The following ACTN2 variants were observed in gnomAD, a reference collection of about 807,000 sequenced individuals.
ACTN2 encodes the protein alpha-actinin-2.
A neutral mutation model predicts 113.8 loss-of-function variants in ACTN2; 39 were observed. The observed-to-expected ratio is 0.34, with a 90% CI of 0.27 to 0.45. The LOEUF (loss-of-function observed/expected upper bound fraction) is 0.45. Among genes scored for constraint, ACTN2 ranks in the 20% least tolerant of loss-of-function variants. The probability of loss-of-function intolerance (pLI) is 1.00; values close to 1 mark genes in which losing one functional copy is unlikely to be tolerated. For synonymous variants in ACTN2, 429 were observed against 444.1 expected (o/e 0.97, Z 0.43); for missense variants, 992 against 1,177.9 (o/e 0.84, Z 2.31).
At chr1:236,752,708 C>T (rs891191400) in intron 15 of ACTN2, among the ~76,000 whole-genome samples, 3 of 151,974 alleles carry the variant, frequency 2.0e-5, no homozygotes, top group East Asian at 1.9e-4. Flanking sequence ...CCCGCCACCA[C>T]GCCTGGCTAA....
Position 236,747,669 on chromosome 1 carries a change from A to G in ACTN2, c.1409A>G (p.Glu470Gly). ...QIAAIAQELN[E>G]LDYHDAVNVN... The stretch of plus-strand genomic sequence containing the variant: ...TTATTTATTTTCACTTTTAATAGTG[A>G]ACTGGACTATCACGACGCTGTGAAT... The change falls in exon 13 of 21, where the codon GAA (glutamate) becomes GGA (glycine). Residue 470 changes from glutamate to glycine, a missense_variant and splice_region_variant. Transcript: ENST00000366578. 1.9e-6 allele frequency: 3 copies of G among 1,613,578 alleles called. No homozygotes were observed. The highest frequency in any genetic ancestry group is 2.5e-6 in the Non-Finnish European group (3 of 1,179,536).
intron 13 of ACTN2, 116 bp downstream of exon 13, chr1:236,747,891 G>A (rs1009102053): frequency 1.1e-5 from 9 of 812,922 alleles, no homozygotes; most frequent in Admixed American, 8.6e-5. Flanking sequence ...CTAGTGAAAG[G>A]AACCTCTAAA....
At chr1:236,749,510 G>T (rs1279537334) in intron 14 of ACTN2, among the ~76,000 whole-genome samples, 2 of 152,182 alleles carry the variant, frequency 1.3e-5, no homozygotes, top group East Asian at 1.9e-4. Context: ...AAAAAAGAAT[G>T]CTGAGGCTGG....
In ACTN2 at chr1:236,726,037, C is replaced by T. The variant is rs371410798; in HGVS notation, c.536+17C>T. The stretch of plus-strand genomic sequence containing the variant: ...CCATACTAGGTGAGCACCCAGGGCC[C>T]CTGGTCCTTGTATTCTCAGTGGAAT... On this transcript the variant is annotated intron_variant, in intron 5 of 20. Coordinates refer to ENST00000366578, the MANE Select transcript of ACTN2 (RefSeq NM_001103.4). The T allele has an allele frequency of 2.5e-6, 4 of 1,607,254 alleles. No homozygotes were observed. Among genetic ancestry groups the T allele is most frequent in the Non-Finnish European group, 2.6e-6 (3 of 1,173,818 alleles).
chr1:236,698,727 T>C (rs757326652), intron 1 of ACTN2, among the ~76,000 whole-genome samples: 7 of 152,234 alleles, frequency 4.6e-5, no homozygotes, highest in Admixed American at 2.6e-4. Flanking sequence ...TATGTGGATT[T>C]TTACCAGTGA....
intron 12 of ACTN2, among the ~76,000 whole-genome samples, chr1:236,745,891 C>T (rs1206679971): frequency 4.6e-5 from 7 of 152,074 alleles, no homozygotes; most frequent in Admixed American, 3.3e-4. Flanking sequence ...TGGCTGGGCA[C>T]AGTGGCTCAC....
chr1:236,724,748 G>A (rs1275605322), intron 4 of ACTN2, among the ~76,000 whole-genome samples: 4 of 152,232 alleles, frequency 2.6e-5, no homozygotes, highest in African/African-American at 4.8e-5. Context: ...CAGCTGGCAC[G>A]TCAGTTGCCT....
intron 20 of ACTN2, among the ~76,000 whole-genome samples, chr1:236,761,464 C>T (rs565231261): frequency 7.5e-4 from 106 of 141,350 alleles, no homozygotes; most frequent in African/African-American, 3.0e-3. Context: ...TGTGTATGTG[C>T]GCGCTACTGG....
chr1:236,738,550 TGGG>T (rs1658962782), intron 9 of ACTN2, among the ~76,000 whole-genome samples: 1 of 152,262 alleles, frequency 6.6e-6, no homozygotes, highest in Non-Finnish European at 1.5e-5. Context: ...CTTTTCTTAC[TGGG>T]TCCTTCATTT....
intron 6 of ACTN2, among the ~76,000 whole-genome samples, chr1:236,730,853 G>C (rs1658693137): frequency 6.6e-6 from 1 of 151,998 alleles, no homozygotes; most frequent in Non-Finnish European, 1.5e-5. Context: ...TTAAAATCAG[G>C]GTGCTGGTTC....
chr1:236,759,588 C>T lies in ACTN2; in HGVS notation c.2302-136C>T, dbSNP rs191980589. Reference sequence around the variant, plus strand: ...ATCCTTGTGCTGGCTCCATCCTTCTCGCAAGTCAGTGGTGACATTTACGAC... The same window carrying T: ...ATCCTTGTGCTGGCTCCATCCTTCTTGCAAGTCAGTGGTGACATTTACGAC... On this transcript the variant is annotated intron_variant, in intron 18 of 20. Transcript: ENST00000366578. 2.2e-4 allele frequency: 163 copies of T among 742,648 alleles called. No homozygotes were observed. The East Asian group carries it at 4.2e-3, about 19-fold the overall frequency. 46.0% of individuals were successfully genotyped at this position (742,648 alleles called of 1,614,324 possible). A position where few individuals can be genotyped will look rare whatever the true frequency, so the allele number is the denominator to read the frequency against.
At chr1:236,711,918 G>C (rs1048938827) in intron 1 of ACTN2, among the ~76,000 whole-genome samples, 1 of 152,150 alleles carries the variant, frequency 6.6e-6, no homozygotes, top group African/African-American at 2.4e-5. Flanking sequence ...AAGTTGAGGA[G>C]ACATTGGCCT....
chr1:236,747,382 G>C (rs1309314547), intron 12 of ACTN2, among the ~76,000 whole-genome samples: 1 of 152,138 alleles, frequency 6.6e-6, no homozygotes, highest in Non-Finnish European at 1.5e-5. Flanking sequence ...GGGCACAAGT[G>C]CAGTTTTGCT....
chr1:236,686,723 A>G lies in ACTN2; in HGVS notation c.50A>G (p.Asp17Gly). The change falls in exon 1 of 21, where the codon GAT becomes GGT. Residue 17 changes from aspartate (D) to glycine (G), a missense_variant. Physicochemically the swap from Asp to Gly is moderately conservative, Grantham distance 94. This residue lies in a region of ACTN2 where 36 missense variants were observed against 25.0 expected (regional missense o/e 1.44). Coordinates refer to ENST00000366578, the MANE Select transcript of ACTN2 (RefSeq NM_001103.4). The part of the protein sequence containing the change: ...GVQYNYVYDE[D>G]EYMIQEEEWD... ...CAGTACAACTACGTGTACGACGAGG[A>G]TGAGTACATGATCCAGGAGGAGGAG... is the stretch of plus-strand genomic sequence containing the variant. 6.4e-7 allele frequency: 1 copy of G among 1,566,848 alleles called. No individual in the cohort carries two copies. The highest frequency in any genetic ancestry group is 8.6e-7 in the Non-Finnish European group (1 of 1,156,494).
At chr1:236,690,839 A>G (rs1666054868) in intron 1 of ACTN2, among the ~76,000 whole-genome samples, 1 of 152,026 alleles carries the variant, frequency 6.6e-6, no homozygotes, top group Admixed American at 6.6e-5. Context: ...TTGTACAACC[A>G]TCACCACTCT....
chr1:236,754,137 C>A lies in ACTN2; in HGVS notation c.1974+56C>A. On this transcript the variant is annotated intron_variant, in intron 16 of 20. Transcript: ENST00000366578. The surrounding 1 kb of genome is among the most constrained non-coding windows in gnomAD (Gnocchi z 4.9). ...CAAGCCTTGCGATAAGTCCCTTTAG[C>A]CACGCAGCAGTGACACCGCACATGC... The A allele has an allele frequency of 1.3e-5, 21 of 1,605,758 alleles. No homozygotes were observed. The highest frequency in any genetic ancestry group is 1.7e-5 in the Admixed American group (1 of 60,012).
intron 6 of ACTN2, among the ~76,000 whole-genome samples, chr1:236,730,479 AT>A: frequency 6.6e-6 from 1 of 152,296 alleles, no homozygotes; most frequent in East Asian, 1.9e-4. Flanking sequence ...GTCACATTTC[AT>A]TTTGATTTTT....
intron 10 of ACTN2, 62 bp downstream of exon 10, chr1:236,739,594 G>A (rs544287796): frequency 2.8e-5 from 44 of 1,575,364 alleles, no homozygotes; most frequent in South Asian, 1.5e-4. Context: ...GCCTAAAGGC[G>A]TTTGACCTGG....
chr1:236,726,068 G>A (rs1658541310), intron 5 of ACTN2, 48 bp downstream of exon 5: 8 of 1,511,972 alleles, frequency 5.3e-6, no homozygotes, highest in Non-Finnish European at 7.4e-6. Flanking sequence ...GGAATCTGTG[G>A]GTAGCATGGG....
Sources: gnomAD v4.1 joint callset for allele counts (sites outside exome capture counted in the v4.1 genomes callset) on GRCh38, gnomAD v4.1.1 for gene constraint, gnomAD v4.1.1 regional missense constraint, Gnocchi (gnomAD v3.1) non-coding constraint, MANE v1.5 for transcripts, NCBI Gene and HGNC (gene_info 2026-07-23, HGNC 2026-07-21) for gene names.